The following CREB5 variants were observed in gnomAD, a reference collection of about 807,000 sequenced individuals.
CREB5 encodes the protein cyclic AMP-responsive element-binding protein 5.
Under a neutral mutation model 57.1 loss-of-function variants are expected in CREB5, and 19 were observed. The ratio of observed to expected loss-of-function variants is 0.33; its 90% CI spans 0.23 to 0.49. The LOEUF (loss-of-function observed/expected upper bound fraction) is 0.49, where lower values mean the gene tolerates loss of function less well. Ranked by LOEUF, CREB5 falls within the 20% of genes least tolerant of loss-of-function variation. CREB5 has a pLI of 0.99. For synonymous variants in CREB5, 238 were observed against 238.3 expected (o/e 1.00, Z 0.01); for missense variants, 579 against 671.6 (o/e 0.86, Z 1.52).
At chr7:28,322,391 C>T (rs1277077183) in intron 1 of CREB5, among the ~76,000 whole-genome samples, 1 of 152,062 alleles carries the variant, frequency 6.6e-6, no homozygotes. Context: ...GAGATATTGT[C>T]AAATTTCAAA....
At chr7:28,655,886 A>G (rs769729499) in intron 5 of CREB5, among the ~76,000 whole-genome samples, 4 of 152,200 alleles carry the variant, frequency 2.6e-5, no homozygotes, top group African/African-American at 9.7e-5. Flanking sequence ...TCTGCCGTCA[A>G]CTGAGCTTTG....
chr7:28,808,712 C>CTT lies in CREB5; in HGVS notation c.1027-447_1027-446dup, dbSNP rs59374546. On this transcript the variant is annotated intron_variant, in intron 8 of 10. Transcript: ENST00000357727. Reference sequence around the variant, plus strand: ...CGCCACCATGCCTGGCCAATTTTTCCTTTTTTTTTTTTTTTTTTTTTTTTT... The same window carrying CTT: ...CGCCACCATGCCTGGCCAATTTTTCCTTTTTTTTTTTTTTTTTTTTTTTTTTT... 9.8e-3 allele frequency among the ~76,000 whole-genome samples: 814 copies of CTT among 83,202 alleles called. 65 individuals are homozygous for CTT. Among genetic ancestry groups the CTT allele is most frequent in the African/African-American group, 0.04 (754 of 18,892 alleles). 54.6% of individuals were successfully genotyped at this position (83,202 alleles called of 152,430 possible).
chr7:28,773,206 A>G (rs985268110), intron 7 of CREB5, among the ~76,000 whole-genome samples: 6 of 152,108 alleles, frequency 3.9e-5, no homozygotes, highest in African/African-American at 9.7e-5. Flanking sequence ...TTGTTTGACT[A>G]TGTGGAACTC....
chr7:28,469,894 T>C (rs1790738013), intron 1 of CREB5, among the ~76,000 whole-genome samples: 1 of 152,214 alleles, frequency 6.6e-6, no homozygotes, highest in Non-Finnish European at 1.5e-5. Flanking sequence ...TACTCTTTTT[T>C]TCCAATGTGA....
rs115903270 is a variant in CREB5, at chr7:28,564,694, A to G, written c.292-5671A>G. On this transcript the variant is annotated intron_variant, in intron 4 of 10. Transcript: ENST00000357727. ...AATCAAAGAGGGAGAAATTTCGGTG[A>G]AGATCGTTTGTTTAAAGTGGAGCTT... Among the ~76,000 whole-genome samples, 769 of 152,312 alleles carry G rather than the reference A, an allele frequency of 5.0e-3. 6 individuals are homozygous for G. The highest frequency in any genetic ancestry group is 0.018 in the African/African-American group (739 of 41,558).
chr7:28,807,188 C>A (rs899138882), intron 8 of CREB5, among the ~76,000 whole-genome samples: 3 of 152,190 alleles, frequency 2.0e-5, no homozygotes, highest in Non-Finnish European at 2.9e-5. Flanking sequence ...GTGGCTCACG[C>A]CTGTAATCTC....
At chr7:28,373,048 T>A (rs115076610) in intron 1 of CREB5, among the ~76,000 whole-genome samples, 305 of 152,266 alleles carry the variant, frequency 2.0e-3, no homozygotes, top group African/African-American at 7.0e-3. Context: ...AGTCTGGTTC[T>A]CTGGGCCTCG....
intron 5 of CREB5, among the ~76,000 whole-genome samples, chr7:28,630,940 C>T (rs1410990229): frequency 7.2e-5 from 11 of 152,078 alleles, no homozygotes; most frequent in Non-Finnish European, 7.4e-5. Flanking sequence ...CTCTTGCCCC[C>T]GTGTTAGATA....
intron 5 of CREB5, among the ~76,000 whole-genome samples, chr7:28,655,321 A>C (rs899729006): frequency 1.3e-5 from 2 of 152,218 alleles, no homozygotes; most frequent in Non-Finnish European, 2.9e-5. Flanking sequence ...TTTGAACAAA[A>C]TAAGGCTGGG....
chr7:28,552,755 T>A (rs1355720628), intron 4 of CREB5, among the ~76,000 whole-genome samples: 1 of 152,226 alleles, frequency 6.6e-6, no homozygotes, highest in Non-Finnish European at 1.5e-5. Flanking sequence ...TACAGGATGA[T>A]TTGATCTGGA....
At chr7:28,367,191 CT>C (rs77789851) in intron 1 of CREB5, among the ~76,000 whole-genome samples, 64,186 of 151,898 alleles carry the variant, frequency 0.42, 13,849 homozygotes, top group Non-Finnish European at 0.49. Flanking sequence ...CATCCATCTC[CT>C]TTTTGGCCAT....
chr7:28,746,938 A>G (rs1259368861), intron 7 of CREB5, among the ~76,000 whole-genome samples: 1 of 152,236 alleles, frequency 6.6e-6, no homozygotes, highest in Non-Finnish European at 1.5e-5. Flanking sequence ...AGGTGGAAAC[A>G]TGAGGCTCTA....
rs113286995 is a variant in CREB5, at chr7:28,675,009, C to T, written c.465-43744C>T. On this transcript the variant is annotated intron_variant, in intron 5 of 10. Transcript: ENST00000357727. ...ATGAAACACACCAATTTCCTTCCTG[C>T]CTTAGGGCATTTATCTAGGTGGTTC... Among the ~76,000 whole-genome samples, 13 of 152,274 alleles carry T rather than the reference C, an allele frequency of 8.5e-5. 1 individual carries two copies. The highest frequency in any genetic ancestry group is 2.9e-4 in the African/African-American group (12 of 41,556).
intron 5 of CREB5, among the ~76,000 whole-genome samples, chr7:28,705,942 T>C (rs1228390636): frequency 2.6e-5 from 4 of 152,214 alleles, no homozygotes; most frequent in African/African-American, 4.8e-5. Context: ...TCAATTGTAC[T>C]TATAAATACC....
chr7:28,456,435 T>C (rs942406868), intron 1 of CREB5, among the ~76,000 whole-genome samples: 7 of 152,216 alleles, frequency 4.6e-5, no homozygotes, highest in Non-Finnish European at 8.8e-5. Flanking sequence ...CAAATCTCTC[T>C]TGTGCTGTTT....
chr7:28,717,068 G>T (rs1403562017), intron 5 of CREB5, among the ~76,000 whole-genome samples: 1 of 148,374 alleles, frequency 6.7e-6, no homozygotes, highest in Non-Finnish European at 1.5e-5. Context: ...CATAATCTCT[G>T]CGGAAAGGCT....
At chr7:28,495,296 G>A (rs926292402) in intron 3 of CREB5, among the ~76,000 whole-genome samples, 4 of 152,104 alleles carry the variant, frequency 2.6e-5, no homozygotes, top group African/African-American at 9.7e-5. Context: ...CCAGCAGTTT[G>A]GGAGGCTGAG....
intron 5 of CREB5, among the ~76,000 whole-genome samples, chr7:28,594,861 T>A (rs1796642586): frequency 6.6e-6 from 1 of 152,104 alleles, no homozygotes; most frequent in South Asian, 2.1e-4. Flanking sequence ...TAGTTAATTC[T>A]TCCTCCTCCT....
chr7:28,560,867 T>TGCGCGTGCGTGCGTGTGC (rs1294033526), intron 4 of CREB5, among the ~76,000 whole-genome samples: 1 of 22,046 alleles, frequency 4.5e-5, no homozygotes, highest in Admixed American at 4.4e-4. Flanking sequence ...TGCGTGTGCC[T>TGCGCGTGCGTGCGTGTGC]GCGTGCGCGT....
Sources: gnomAD v4.1 joint callset for allele counts (sites outside exome capture counted in the v4.1 genomes callset) on GRCh38, gnomAD v4.1.1 for gene constraint, MANE v1.5 for transcripts, NCBI Gene and HGNC (gene_info 2026-07-23, HGNC 2026-07-21) for gene names.